FGF21: variants seen among roughly 807,000 people sequenced by gnomAD.
FGF21 encodes fibroblast growth factor 21.
A neutral mutation model predicts 13.4 loss-of-function variants in FGF21; 13 were observed. That is an observed-to-expected ratio of 0.97 (90% CI 0.63 to 1.54). The LOEUF (loss-of-function observed/expected upper bound fraction) is 1.54. FGF21 is among the 40% of genes most tolerant of loss of function. The pLI is 0.00. For missense variants in FGF21, 303 were observed against 272.4 expected, an observed-to-expected ratio of 1.11 and a Z score of -0.79; for synonymous variants, 124 against 123.6, an observed-to-expected ratio of 1.00 and a Z score of -0.02.
chr19:48,757,909 G>C lies in FGF21; in HGVS notation c.340-21G>C, dbSNP rs2034136466. 2.0e-6 allele frequency: 3 copies of C among 1,525,860 alleles called. No homozygotes were observed. The Admixed American group carries it at 6.3e-5, about 32-fold the overall frequency. 94.5% of individuals were successfully genotyped at this position (1,525,860 alleles called of 1,614,324 possible). On this transcript the variant is annotated intron_variant, in intron 3 of 3. Transcript: ENST00000593756. ...AGGAAAACAGAGGAACCCTGTCTCTGATCCTGTTTTTGTCCCCTAGCTCCA... is the reference window on the plus strand; with the variant it reads ...AGGAAAACAGAGGAACCCTGTCTCTCATCCTGTTTTTGTCCCCTAGCTCCA...
intron 3 of FGF21, 79 bp downstream of exon 3, chr19:48,757,108 G>T: frequency 9.3e-7 from 1 of 1,070,616 alleles, no homozygotes; most frequent in Middle Eastern, 2.0e-4. Context: ...GCCTTGTCTT[G>T]CTCATCCCCC....
At chr19:48,757,330 G>A (rs1044944809) in intron 3 of FGF21, among the ~76,000 whole-genome samples, 41 of 152,178 alleles carry the variant, frequency 2.7e-4, no homozygotes, top group African/African-American at 9.9e-4. Flanking sequence ...TGCCCACACG[G>A]CCCCTGTGTG....
Sources: gnomAD v4.1 joint callset for allele counts (sites outside exome capture counted in the v4.1 genomes callset) on GRCh38, gnomAD v4.1.1 for gene constraint, MANE v1.5 for transcripts, NCBI Gene and HGNC (gene_info 2026-07-23, HGNC 2026-07-21) for gene names.